Variants in RPS6KC1 observed in about 807,000 individuals in gnomAD.
RPS6KC1 encodes ribosomal protein S6 kinase C1.
RPS6KC1 carries 54 observed loss-of-function variants against 103.8 expected under a neutral mutation model. The ratio of observed to expected loss-of-function variants is 0.52; its 90% confidence interval spans 0.42 to 0.65. RPS6KC1 has a LOEUF of 0.65. RPS6KC1 is among the 30% of genes least tolerant of loss of function. The probability of loss-of-function intolerance (pLI) is 0.00; values close to 1 mark genes in which losing one functional copy is unlikely to be tolerated. For missense variants in RPS6KC1, 1,151 were observed against 1,253.8 expected (o/e 0.92, Z 1.24); for synonymous variants, 439 against 438.7 (o/e 1.00, Z -0.01).
chr1:213,804,148 A>T, the RPS6KC1 span, among the ~76,000 whole-genome samples: 1 of 118,374 alleles, frequency 8.4e-6, no homozygotes, highest in Non-Finnish European at 1.6e-5. Flanking sequence ...AGTCAAACAT[A>T]AAAAAAAAAA....
intron 10 of RPS6KC1, among the ~76,000 whole-genome samples, chr1:213,233,003 G>A (rs959294628): frequency 1.8e-4 from 27 of 151,902 alleles, no homozygotes; most frequent in Admixed American, 5.2e-4. Flanking sequence ...ATTGTTTTCC[G>A]TATCTCGTGA....
chr1:213,583,322 AAG>A, the RPS6KC1 span, among the ~76,000 whole-genome samples: 2 of 152,198 alleles, frequency 1.3e-5, no homozygotes, highest in African/African-American at 4.8e-5. Context: ...TTAGTTTTAT[AAG>A]AAACTGTCAA....
the RPS6KC1 span, among the ~76,000 whole-genome samples, chr1:213,799,357 G>C: frequency 7.2e-5 from 11 of 152,128 alleles, no homozygotes; most frequent in Non-Finnish European, 1.6e-4. Flanking sequence ...ATTAGGGATG[G>C]TGTTTGTGGC....
intron 4 of RPS6KC1, among the ~76,000 whole-genome samples, chr1:213,105,794 C>A (rs973614544): frequency 1.3e-5 from 2 of 152,102 alleles, no homozygotes; most frequent in African/African-American, 4.8e-5. Context: ...GAGTATTTAG[C>A]TCTTTGCTGT....
At chr1:213,052,096 G>A (rs1394852746) in intron 1 of RPS6KC1, among the ~76,000 whole-genome samples, 1 of 152,104 alleles carries the variant, frequency 6.6e-6, no homozygotes, top group Middle Eastern at 3.2e-3. Flanking sequence ...TACCATGAGG[G>A]CACATTTTAA....
chr1:213,764,272 G>T, the RPS6KC1 span, among the ~76,000 whole-genome samples: 1 of 152,164 alleles, frequency 6.6e-6, no homozygotes, highest in Non-Finnish European at 1.5e-5. Flanking sequence ...CTTAGACTTT[G>T]AATCTCCTAA....
At position 213,169,812 on chromosome 1, in the gene RPS6KC1, C is replaced by T. The variant is rs1301861043; in HGVS notation, c.951+1839C>T. On this transcript the variant is annotated intron_variant, in intron 7 of 14. Coordinates refer to ENST00000366960, the MANE Select transcript of RPS6KC1 (RefSeq NM_012424.6). The stretch of plus-strand genomic sequence containing the variant: ...TTTTTTTTTTTTTGAGATGGAGTCT[C>T]GCTCTGTCACCCAGGCTGGAGTGCA... Among the ~76,000 whole-genome samples, 16 of 135,466 alleles carry T rather than the reference C, an allele frequency of 1.2e-4. No individual in the cohort carries two copies. The Middle Eastern group carries it at 0.015, about 123-fold the overall frequency. 88.9% of individuals were successfully genotyped at this position (135,466 alleles called of 152,430 possible).
the RPS6KC1 span, among the ~76,000 whole-genome samples, chr1:213,286,912 C>T: frequency 1.3e-5 from 2 of 152,210 alleles, no homozygotes. Context: ...TTGACTGCCA[C>T]CATGAGTATG....
At chr1:213,854,562 T>TTCTC in the RPS6KC1 span, among the ~76,000 whole-genome samples, 164 of 122,610 alleles carry the variant, frequency 1.3e-3, no homozygotes, top group African/African-American at 2.6e-3. Context: ...CTTTCTTTCT[T>TTCTC]TCTCTCTCTC....
At chr1:213,257,786 C>CTTTTTTT (rs71147062) in intron 12 of RPS6KC1, among the ~76,000 whole-genome samples, 2 of 49,426 alleles carry the variant, frequency 4.0e-5, no homozygotes, top group African/African-American at 7.8e-5. Flanking sequence ...ACAGGTAAAA[C>CTTTTTTT]TTTTTTTTTT....
At chr1:213,603,238 C>T in the RPS6KC1 span, among the ~76,000 whole-genome samples, 2 of 152,206 alleles carry the variant, frequency 1.3e-5, no homozygotes, top group Admixed American at 6.5e-5. Flanking sequence ...GGCCCCAGAC[C>T]CTGTGCTCTG....
chr1:213,513,838 C>T, the RPS6KC1 span, among the ~76,000 whole-genome samples: 93 of 152,272 alleles, frequency 6.1e-4, no homozygotes, highest in African/African-American at 2.1e-3. Context: ...TGATATGCAG[C>T]TTTATCAGTG....
chr1:213,780,344 C>T, the RPS6KC1 span, among the ~76,000 whole-genome samples: 1 of 152,194 alleles, frequency 6.6e-6, no homozygotes, highest in African/African-American at 2.4e-5. Flanking sequence ...GCCCCTCTTC[C>T]TTCAGCTCTA....
At chr1:213,074,956 C>T (rs371975246) in intron 2 of RPS6KC1, among the ~76,000 whole-genome samples, 10 of 143,002 alleles carry the variant, frequency 7.0e-5, no homozygotes, top group East Asian at 6.5e-4. Context: ...GGGTTCATGC[C>T]GTTCTCCTGC....
At chr1:213,404,170 G>A in the RPS6KC1 span, among the ~76,000 whole-genome samples, 1 of 152,180 alleles carries the variant, frequency 6.6e-6, no homozygotes, top group African/African-American at 2.4e-5. Context: ...TGAGGCAAGG[G>A]GGCTGCCTTT....
chr1:213,688,634 A>G, the RPS6KC1 span, among the ~76,000 whole-genome samples: 4 of 152,206 alleles, frequency 2.6e-5, no homozygotes, highest in African/African-American at 4.8e-5. Flanking sequence ...GACTATCCCA[A>G]CTGCTCCTTA....
the RPS6KC1 span, among the ~76,000 whole-genome samples, chr1:213,828,132 G>T: frequency 6.6e-6 from 1 of 152,282 alleles, no homozygotes; most frequent in East Asian, 1.9e-4. Flanking sequence ...AGAGCATTCA[G>T]CCTGGCACTT....
At chr1:213,517,710 T>C in the RPS6KC1 span, among the ~76,000 whole-genome samples, 1 of 152,194 alleles carries the variant, frequency 6.6e-6, no homozygotes, top group East Asian at 1.9e-4. Flanking sequence ...ATTCTGTTGA[T>C]TTGGGGTGGA....
At chr1:213,785,240 A>T in the RPS6KC1 span, among the ~76,000 whole-genome samples, 1 of 152,154 alleles carries the variant, frequency 6.6e-6, no homozygotes, top group Non-Finnish European at 1.5e-5. Context: ...ATTGCTTAAT[A>T]GCCTGGAGTT....
Sources: allele counts gnomAD v4.1 joint callset (sites outside exome capture counted in the v4.1 genomes callset), GRCh38; gene constraint gnomAD v4.1.1; transcripts MANE v1.5; gene names NCBI Gene and HGNC (gene_info 2026-07-23, HGNC 2026-07-21).